The following CC2D2A variants were observed in gnomAD, a reference collection of about 807,000 sequenced individuals.
CC2D2A encodes coiled-coil and C2 domain-containing protein 2A.
Under a neutral mutation model 212.9 loss-of-function variants are expected in CC2D2A, and 155 were observed. The observed-to-expected ratio is 0.73, with a 90% confidence interval of 0.64 to 0.83. The LOEUF is 0.83. Among genes scored for constraint, CC2D2A ranks in the 40% least tolerant of loss-of-function variants. The pLI is 0.00. For missense variants in CC2D2A, 1,856 were observed against 1,956.2 expected (o/e 0.95, Z 0.97); for synonymous variants, 667 against 686.5 (o/e 0.97, Z 0.44).
At position 15,574,254 on chromosome 4, in the gene CC2D2A, T is replaced by C; in HGVS notation, c.3699T>C (p.Ser1233=). ...ERGFDSVRSL[S]EGSYITLFIT... ...GTTTTGATTCTGTCCGAAGCTTAAG[T>C]GAAGGCTCCTACATTACCCTCTTTA... Residue 1233 remains serine (S), a synonymous_variant, in exon 29 of 37, where the codon AGT becomes AGC. Coordinates refer to ENST00000424120, the MANE Select transcript of CC2D2A (RefSeq NM_001378615.1). 6.4e-7 allele frequency: 1 copy of C among 1,551,628 alleles called. No individual in the cohort carries two copies. Among genetic ancestry groups the C allele is most frequent in the Non-Finnish European group, 8.7e-7 (1 of 1,146,928 alleles).
chr4:15,526,612 T>A (rs935547790), intron 11 of CC2D2A, among the ~76,000 whole-genome samples: 6 of 152,210 alleles, frequency 3.9e-5, no homozygotes, highest in Non-Finnish European at 7.3e-5. Flanking sequence ...TCTAGATAAA[T>A]AGCTCATCTC....
chr4:15,547,947 G>A (rs2109046711), intron 17 of CC2D2A, among the ~76,000 whole-genome samples: 1 of 152,198 alleles, frequency 6.6e-6, no homozygotes, highest in South Asian at 2.1e-4. Context: ...GCTGAGGCAG[G>A]AGAATTGCAT....
At chr4:15,556,456 C>A (rs1210883156) in intron 20 of CC2D2A, among the ~76,000 whole-genome samples, 2 of 152,268 alleles carry the variant, frequency 1.3e-5, no homozygotes, top group East Asian at 3.9e-4. Flanking sequence ...GTAGTCTATT[C>A]CATGTAAAGT....
At position 15,502,919 on chromosome 4, in the gene CC2D2A, C is replaced by G; in HGVS notation, c.434C>G (p.Thr145Arg). Residue 145 changes from threonine to arginine, a missense_variant, in exon 6 of 37, where the codon ACA becomes AGA. Thr to Arg is a moderately conservative substitution (Grantham distance 71). Coordinates refer to ENST00000424120, the MANE Select transcript of CC2D2A (RefSeq NM_001378615.1). ...AAAGAATTGGAGACTGAATTTGGCA[C>G]AGAGGTGAGAAATACCCTCTCTACT... ...SKKELETEFG[T>R]EPGKEVERTQ... 1 of 1,605,414 alleles carries G rather than the reference C, an allele frequency of 6.2e-7. No individual in the cohort carries two copies. Among genetic ancestry groups the G allele is most frequent in the Non-Finnish European group, 8.5e-7 (1 of 1,176,190 alleles).
chr4:15,508,551 G>A (rs1046559583), intron 6 of CC2D2A, among the ~76,000 whole-genome samples: 1 of 152,222 alleles, frequency 6.6e-6, no homozygotes, highest in Non-Finnish European at 1.5e-5. Context: ...TAAGTTGTAA[G>A]TGGTACAGTT....
Position 15,527,437 on chromosome 4 carries a change from T to G in CC2D2A, c.1150-10T>G. The G allele has an allele frequency of 6.2e-7, 1 of 1,607,256 alleles. No homozygotes were observed. On this transcript the variant is annotated splice_polypyrimidine_tract_variant and intron_variant, in intron 11 of 36. Transcript: ENST00000424120. ...ACTGTGTTCTGTCTACACTCTGCTT[T>G]CCTTGGCAGGCTGTAAAATACGTTC...
chr4:15,508,637 T>A (rs1315685203), intron 6 of CC2D2A, among the ~76,000 whole-genome samples: 1 of 152,216 alleles, frequency 6.6e-6, no homozygotes, highest in Non-Finnish European at 1.5e-5. Flanking sequence ...GTGCCTGATA[T>A]GAATCAGACA....
chr4:15,526,889 A>C (rs1717537951), intron 11 of CC2D2A, among the ~76,000 whole-genome samples: 1 of 152,212 alleles, frequency 6.6e-6, no homozygotes, highest in African/African-American at 2.4e-5. Context: ...CACTTGGCTC[A>C]GCTGCACAGC....
chr4:15,492,926 G>T, intron 4 of CC2D2A: 2 of 536,548 alleles, frequency 3.7e-6, no homozygotes, highest in Non-Finnish European at 7.2e-6. Flanking sequence ...GCCCTTGAGG[G>T]GGCCCTCTGA....
Position 15,580,100 on chromosome 4 carries a change from C to A in CC2D2A, c.3904C>A (p.Arg1302Ser). 6.2e-7 allele frequency: 1 copy of A among 1,613,902 alleles called. No individual in the cohort carries two copies. Among genetic ancestry groups the A allele is most frequent in the Non-Finnish European group, 8.5e-7 (1 of 1,179,838 alleles). The change falls in exon 30 of 37, where the codon CGT (arginine) becomes AGT (serine). Residue 1302 changes from arginine (R) to serine (S), a missense_variant. Transcript: ENST00000424120. ...DISGKTVFIT[R>S]YLKPLNPPQE... Reference sequence around the variant, plus strand: ...AAGCGGAAAAACTGTTTTTATCACACGTTATCTCAAACCTTTAAACCCTCC... The same window carrying A: ...AAGCGGAAAAACTGTTTTTATCACAAGTTATCTCAAACCTTTAAACCCTCC...
At chr4:15,519,045 G>A (rs1176609993) in intron 11 of CC2D2A, among the ~76,000 whole-genome samples, 2 of 152,030 alleles carry the variant, frequency 1.3e-5, no homozygotes, top group African/African-American at 4.8e-5. Flanking sequence ...TCAGAAAATG[G>A]GATTTTCTTT....
intron 17 of CC2D2A, chr4:15,543,516 T>A (rs1718563413): frequency 6.6e-6 from 1 of 152,212 alleles, no homozygotes; most frequent in African/African-American, 2.4e-5. Flanking sequence ...TAATGCTTAC[T>A]TCTTCCTTGA....
At position 15,537,930 on chromosome 4, in the gene CC2D2A, CAGA is replaced by C. The variant is rs1363895451; in HGVS notation, c.1801_1803del (p.Glu601del). 6.2e-7 allele frequency: 1 copy of C among 1,607,206 alleles called. No individual in the cohort carries two copies. Among genetic ancestry groups the C allele is most frequent in the Admixed American group, 1.7e-5 (1 of 59,064 alleles). ...AAGAAGAAGAAAAGGAAACAAGCAGCAGAAGAACATCCCGGTGATGAGATTGCA... is the reference window on the plus strand; with the variant it reads ...AAGAAGAAGAAAAGGAAACAAGCAGCAGAACATCCCGGTGATGAGATTGCA... On this transcript the variant is annotated inframe_deletion, in exon 16 of 37. Coordinates refer to ENST00000424120, the MANE Select transcript of CC2D2A (RefSeq NM_001378615.1).
chr4:15,581,382 G>C (rs1720658792), intron 30 of CC2D2A, among the ~76,000 whole-genome samples: 1 of 152,158 alleles, frequency 6.6e-6, no homozygotes, highest in African/African-American at 2.4e-5. Flanking sequence ...AAGTGATAGG[G>C]AAAATATAAG....
chr4:15,527,413 C>T (rs1311145425), intron 11 of CC2D2A, 34 bp from the exon 12 acceptor site: 1 of 1,522,098 alleles, frequency 6.6e-7, no homozygotes, highest in Admixed American at 1.7e-5. Context: ...AGTGCTTTAA[C>T]TGTGTTCTGT....
chr4:15,599,601 T>C lies in CC2D2A; in HGVS notation c.4569T>C (p.Cys1523=), dbSNP rs1721486976. Residue 1523 remains cysteine (C), a synonymous_variant, in exon 36 of 37, where the codon TGT becomes TGC. Transcript: ENST00000424120. Reference sequence around the variant, plus strand: ...ATCTGACTCGGTGGAATAGGTATTGTACCTCTACTCTGCGTCACTTCTTGC... The same window carrying C: ...ATCTGACTCGGTGGAATAGGTATTGCACCTCTACTCTGCGTCACTTCTTGC... ...PRHLTRWNRY[C]TSTLRHFLPL... is the part of the protein sequence containing the mutation. 6.2e-7 allele frequency: 1 copy of C among 1,613,126 alleles called. No homozygotes were observed. The highest frequency in any genetic ancestry group is 8.5e-7 in the Non-Finnish European group (1 of 1,179,278).
Position 15,555,105 on chromosome 4 carries a change from T to C in CC2D2A, c.2520T>C (p.Ile840=). ...ALKKADAISS[I]GTSGLTDMKK... is the part of the protein sequence containing the mutation. ...AGAAAGCAGATGCCATCTCATCTAT[T>C]GGCACATCAGGACTGACAGACATGA... is the stretch of plus-strand genomic sequence containing the variant. Residue 840 remains isoleucine (I), a synonymous_variant, in exon 20 of 37, where the codon ATT becomes ATC. Coordinates refer to ENST00000424120, the MANE Select transcript of CC2D2A (RefSeq NM_001378615.1). 1.1e-5 allele frequency: 18 copies of C among 1,613,576 alleles called. No homozygotes were observed. Among genetic ancestry groups the C allele is most frequent in the Non-Finnish European group, 1.4e-5 (17 of 1,179,754 alleles).
chr4:15,511,265 T>C lies in CC2D2A; in HGVS notation c.559T>C (p.Ser187Pro), dbSNP rs768949293. The part of the protein sequence containing the change: ...PKPQVPPGFP[S>P]AEEAYNFFTF... ...TCGTTAGGTTCCACCTGGCTTCCCT[T>C]CTGCAGAAGAGGCCTATAACTTCTT... is the stretch of plus-strand genomic sequence containing the variant. Residue 187 changes from serine (S) to proline (P), a missense_variant, in exon 8 of 37, where the codon TCT becomes CCT. Ser to Pro is a moderately conservative substitution (Grantham distance 74). Transcript: ENST00000424120. The C allele has an allele frequency of 1.3e-6, 2 of 1,599,280 alleles. No homozygotes were observed. The highest frequency in any genetic ancestry group is 1.7e-6 in the Non-Finnish European group (2 of 1,174,410).
Position 15,537,073 on chromosome 4 carries a change from G to C in CC2D2A, c.1761G>C (p.Val587=), listed in dbSNP as rs756943424. 1.2e-6 allele frequency: 2 copies of C among 1,613,160 alleles called. No individual in the cohort carries two copies. Among genetic ancestry groups the C allele is most frequent in the Non-Finnish European group, 1.7e-6 (2 of 1,179,376 alleles). ...AACAGTGGAAGGCCTGGAGGAAAGT[G>C]CAAGTGTGTAAACAAACACTCAGCC... is the stretch of plus-strand genomic sequence containing the variant. ...SLQQWKAWRK[V]QRAKKKKRKQ... is the part of the protein sequence containing the mutation. The change falls in exon 15 of 37, where the codon GTG becomes GTC. Residue 587 remains valine (V), a synonymous_variant. Transcript: ENST00000424120.
Sources: allele counts gnomAD v4.1 joint callset (sites outside exome capture counted in the v4.1 genomes callset), GRCh38; gene constraint gnomAD v4.1.1; transcripts MANE v1.5; gene names NCBI Gene and HGNC (gene_info 2026-07-23, HGNC 2026-07-21).